The following ZNF33A variants were observed in gnomAD, a reference collection of about 807,000 sequenced individuals.
ZNF33A encodes zinc finger protein 33A.
A neutral mutation model predicts 15.9 loss-of-function variants in ZNF33A; 9 were observed. The observed-to-expected ratio is 0.57, with a 90% CI of 0.34 to 0.99. The LOEUF (loss-of-function observed/expected upper bound fraction) is 0.99. Ranked by LOEUF, ZNF33A falls within the 50% of genes least tolerant of loss-of-function variation. The pLI, the probability that ZNF33A is intolerant of heterozygous loss-of-function variation, is 0.02. For missense variants in ZNF33A, 843 were observed against 941.6 expected, an observed-to-expected ratio of 0.90 and a Z score of 1.37; for synonymous variants, 294 against 324.2, an observed-to-expected ratio of 0.91 and a Z score of 1.00.
intron 4 of ZNF33A, among the ~76,000 whole-genome samples, chr10:38,023,721 C>G (rs1025728404): frequency 5.4e-4 from 82 of 152,302 alleles, no homozygotes; most frequent in African/African-American, 1.8e-3. Flanking sequence ...GCTCCTGCCA[C>G]TCTTATTCAT....
rs1487377675 is a variant in ZNF33A at position 38,054,715 on chromosome 10, G to C, written c.591G>C (p.Arg197Ser). Reference sequence around the variant, plus strand: ...AGAAAAATGAAGTTTTGAAAAATAGGAACACACTGAGTCATCATGAGGAGA... The same window carrying C: ...AGAAAAATGAAGTTTTGAAAAATAGCAACACACTGAGTCATCATGAGGAGA... ...TQEKNEVLKN[R>S]NTLSHHEETL... The change falls in exon 5 of 5, where the codon AGG (arginine) becomes AGC (serine). Residue 197 changes from arginine (R) to serine (S), a missense_variant. Transcript: ENST00000432900. 1 of 1,613,756 alleles carries C rather than the reference G, an allele frequency of 6.2e-7. No individual in the cohort carries two copies. The highest frequency in any genetic ancestry group is 2.2e-5 in the East Asian group (1 of 44,846).
intron 4 of ZNF33A, among the ~76,000 whole-genome samples, chr10:38,038,090 AG>A (rs1409297600): frequency 1.3e-5 from 2 of 152,074 alleles, no homozygotes; most frequent in Non-Finnish European, 2.9e-5. Flanking sequence ...TAAAGTTATA[AG>A]TATTTTATTC....
intron 4 of ZNF33A, among the ~76,000 whole-genome samples, chr10:38,021,839 A>G (rs772383833): frequency 1.3e-5 from 2 of 152,216 alleles, no homozygotes; most frequent in Non-Finnish European, 1.5e-5. Flanking sequence ...TAGAGTGACA[A>G]TAGGAAAATA....
At chr10:38,045,920 A>T (rs1201546053) in intron 4 of ZNF33A, among the ~76,000 whole-genome samples, 2 of 152,184 alleles carry the variant, frequency 1.3e-5, no homozygotes, top group Non-Finnish European at 2.9e-5. Flanking sequence ...TCTAGAGGCT[A>T]CAGCAGTGTT....
chr10:38,031,961 TACAAA>T (rs1274123157), intron 4 of ZNF33A, among the ~76,000 whole-genome samples: 7 of 151,902 alleles, frequency 4.6e-5, no homozygotes, highest in African/African-American at 1.7e-4. Context: ...GATTCCATCT[TACAAA>T]ATAAAATAAA....
Position 38,057,093 on chromosome 10 carries a change from A to T in ZNF33A, c.*533A>T. On this transcript the variant is annotated 3_prime_UTR_variant, in exon 5 of 5. Transcript: ENST00000432900. Reference sequence around the variant, plus strand: ...GTAGATAGAGACTTAGTCAGATTTTACTATGGTTTGCATGCACTCTGTGTG... The same window carrying T: ...GTAGATAGAGACTTAGTCAGATTTTTCTATGGTTTGCATGCACTCTGTGTG... The T allele has an allele frequency of 1.5e-6, 1 of 685,500 alleles. No homozygotes were observed. Among genetic ancestry groups the T allele is most frequent in the Non-Finnish European group, 1.8e-6 (1 of 555,304 alleles). The allele number at this position is 685,500 out of a possible 1,614,324, so 42.5% of individuals were successfully genotyped here. A position where few individuals can be genotyped will look rare whatever the true frequency, so the allele number is the denominator to read the frequency against.
At chr10:38,064,119 C>T, downstream of ZNF33A, 2 of 1,596,430 alleles carry the variant, frequency 1.3e-6, no homozygotes, top group Non-Finnish European at 8.5e-7. Flanking sequence ...TTGGATTAAA[C>T]CCCTGCAGTG....
At chr10:38,020,176 A>G (rs2064672334) in intron 4 of ZNF33A, among the ~76,000 whole-genome samples, 1 of 152,244 alleles carries the variant, frequency 6.6e-6, no homozygotes, top group Non-Finnish European at 1.5e-5. Context: ...ATCAAAGTAT[A>G]CTAATTAAAA....
intron 1 of ZNF33A, among the ~76,000 whole-genome samples, chr10:38,011,187 CTT>C (rs1408686518): frequency 6.6e-6 from 1 of 152,252 alleles, no homozygotes; most frequent in Non-Finnish European, 1.5e-5. Flanking sequence ...CATTCATCCT[CTT>C]TAGGTTCCGA....
downstream of ZNF33A, chr10:38,064,492 T>G (rs1482362270): frequency 4.4e-6 from 1 of 228,780 alleles, no homozygotes; most frequent in Non-Finnish European, 8.4e-6. Context: ...GAAAAGAAGA[T>G]TCAAGTTTTA....
intron 2 of ZNF33A, chr10:38,016,055 A>G (rs2064438107): frequency 8.2e-7 from 1 of 1,224,212 alleles, no homozygotes; most frequent in Non-Finnish European, 1.0e-6. Flanking sequence ...GGTTTCAAAT[A>G]TAATGGTTCC....
chr10:38,026,682 C>T (rs1485982274), intron 4 of ZNF33A, among the ~76,000 whole-genome samples: 1 of 152,172 alleles, frequency 6.6e-6, no homozygotes, highest in East Asian at 1.9e-4. Context: ...AGGTAAGAAT[C>T]CATCAGCAAA....
In ZNF33A at chr10:38,055,089, G is replaced by A. The variant is rs554483276; in HGVS notation, c.965G>A (p.Gly322Asp). 3.1e-6 allele frequency: 5 copies of A among 1,614,156 alleles called. No homozygotes were observed. In the South Asian group the frequency reaches 5.5e-5, roughly 18 times the overall value. Residue 322 changes from glycine (G) to aspartate (D), a missense_variant, in exon 5 of 5, where the codon GGT becomes GAT. Gly to Asp is a moderately conservative substitution (Grantham distance 94). Coordinates refer to ENST00000432900, the MANE Select transcript of ZNF33A (RefSeq NM_006954.2). Reference sequence around the variant, plus strand: ...TTGTGTCTGTCACACCTTCAGAAAGGTGATAAAGGAGAGAAACACTTTGAA... The same window carrying A: ...TTGTGTCTGTCACACCTTCAGAAAGATGATAAAGGAGAGAAACACTTTGAA... ...RKLCLSHLQK[G>D]DKGEKHFECN...
downstream of ZNF33A, among the ~76,000 whole-genome samples, chr10:38,063,551 T>G (rs367778987): frequency 2.0e-5 from 3 of 152,254 alleles, no homozygotes; most frequent in East Asian, 5.8e-4. Flanking sequence ...TTCCTTGTCA[T>G]GTTCTCTGTC....
At position 38,057,305 on chromosome 10, in the gene ZNF33A, A is replaced by T. The variant is rs2472163; in HGVS notation, c.*745A>T. On this transcript the variant is annotated 3_prime_UTR_variant, in exon 5 of 5. Transcript: ENST00000432900. ...TATTAATAACCACACGCTTTCTGCA[A>T]CCCTATCCCTTGCATCCACTTGACT... 0.069 allele frequency: 66,240 copies of T among 962,946 alleles called. 3,208 individuals carry two copies. The highest frequency in any genetic ancestry group is 0.075 in the Non-Finnish European group (60,706 of 808,508). 59.7% of individuals were successfully genotyped at this position (962,946 alleles called of 1,614,324 possible).
intron 2 of ZNF33A, among the ~76,000 whole-genome samples, chr10:38,013,467 C>T (rs1378922203): frequency 6.6e-6 from 1 of 151,456 alleles, no homozygotes; most frequent in South Asian, 2.1e-4. Context: ...CTTGCTCTGT[C>T]ACCAGGCTGT....
At chr10:38,067,485 G>A (rs2066718976), downstream of ZNF33A, among the ~76,000 whole-genome samples, 1 of 152,168 alleles carries the variant, frequency 6.6e-6, no homozygotes, top group Non-Finnish European at 1.5e-5. Context: ...AGATTCTCTT[G>A]GGAGACAGCC....
At chr10:38,031,424 G>T (rs2065202981) in intron 4 of ZNF33A, among the ~76,000 whole-genome samples, 1 of 151,966 alleles carries the variant, frequency 6.6e-6, no homozygotes, top group Non-Finnish European at 1.5e-5. Context: ...AAAGACATTA[G>T]CCAGGTGTGG....
chr10:38,038,463 C>T (rs2065549681), intron 4 of ZNF33A, among the ~76,000 whole-genome samples: 1 of 152,166 alleles, frequency 6.6e-6, no homozygotes, highest in African/African-American at 2.4e-5. Context: ...CACCCTGCAA[C>T]ATTGTTGAAC....
Sources: allele counts gnomAD v4.1 joint callset (sites outside exome capture counted in the v4.1 genomes callset), GRCh38; gene constraint gnomAD v4.1.1; transcripts MANE v1.5; gene names NCBI Gene and HGNC (gene_info 2026-07-23, HGNC 2026-07-21).